ITGA4: variants seen among roughly 807,000 people sequenced by gnomAD.
ITGA4 encodes integrin subunit alpha 4, also known as integrin alpha-4.
ITGA4 carries 63 observed loss-of-function variants against 133.6 expected under a neutral mutation model. The ratio of observed to expected loss-of-function variants is 0.47; its 90% CI spans 0.38 to 0.58. The LOEUF (loss-of-function observed/expected upper bound fraction) is 0.58. ITGA4 is among the 20% of genes least tolerant of loss of function. ITGA4 has a pLI of 0.00. For synonymous variants in ITGA4, 483 were observed against 438.0 expected, an observed-to-expected ratio of 1.10 and a Z score of -1.28; for missense variants, 1,076 against 1,252.7, an observed-to-expected ratio of 0.86 and a Z score of 2.13.
chr2:181,475,803 G>GT (rs1448736935), intron 4 of ITGA4: 1 of 1,592,144 alleles, frequency 6.3e-7, no homozygotes, highest in African/African-American at 1.3e-5. Context: ...TTTTCTCATG[G>GT]TAACTCTATG....
intron 17 of ITGA4, among the ~76,000 whole-genome samples, chr2:181,519,578 C>T (rs2105763051): frequency 6.6e-6 from 1 of 152,162 alleles, no homozygotes; most frequent in Admixed American, 6.6e-5. Context: ...TTTGCATATT[C>T]CGAGGTTCAT....
chr2:181,538,141 T>G lies in ITGA4; in HGVS notation c.*2614T>G, dbSNP rs1325585820. 2 of 1,327,648 alleles carry G rather than the reference T, an allele frequency of 1.5e-6. No individual in the cohort carries two copies. The highest frequency in any genetic ancestry group is 2.4e-5 in the South Asian group (2 of 84,658). 82.2% of individuals were successfully genotyped at this position (1,327,648 alleles called of 1,614,324 possible). Reference sequence around the variant, plus strand: ...TAAAGCATGGCCACATTTCTTTATATTAAAATTCTAGTTTGTACATTTCTT... The same window carrying G: ...TAAAGCATGGCCACATTTCTTTATAGTAAAATTCTAGTTTGTACATTTCTT... On this transcript the variant is annotated 3_prime_UTR_variant, in exon 28 of 28. Coordinates refer to ENST00000397033, the MANE Select transcript of ITGA4 (RefSeq NM_000885.6).
At chr2:181,499,065 C>T (rs1686216099) in intron 15 of ITGA4, 1 of 175,888 alleles carries the variant, frequency 5.7e-6, no homozygotes, top group South Asian at 1.9e-4. Context: ...TCTTTATCTA[C>T]TTGCCTAGAA....
chr2:181,480,150 TG>T lies in ITGA4; in HGVS notation c.643del (p.Ala215ProfsTer16). The stretch of plus-strand genomic sequence containing the variant: ...TTTTTCTTACAGGATTTAATTGTGA[TG>T]GGGGCCCCAGGATCATCTTACTGGA... ...SSFYTKDLIVMGAPGSSYWTG... is the reference protein window; with the variant it reads ...SSFYTKDLIVXGAPGSSYWTG... On this transcript the variant is annotated frameshift_variant, in exon 6 of 28. Transcript: ENST00000397033. LOFTEE classifies it high-confidence loss of function. 2 of 1,549,016 alleles carry T rather than the reference TG, an allele frequency of 1.3e-6. No individual in the cohort carries two copies. Among genetic ancestry groups the T allele is most frequent in the Non-Finnish European group, 1.7e-6 (2 of 1,153,588 alleles).
intron 17 of ITGA4, among the ~76,000 whole-genome samples, chr2:181,518,953 A>T (rs1686665280): frequency 6.6e-6 from 1 of 152,078 alleles, no homozygotes; most frequent in African/African-American, 2.4e-5. Flanking sequence ...AAATTATAAG[A>T]ATCTCTCCTA....
At position 181,527,388 on chromosome 2, in the gene ITGA4, GTAA is replaced by G; in HGVS notation, c.2430+2_2430+4del. 1 of 1,580,246 alleles carries G rather than the reference GTAA, an allele frequency of 6.3e-7. No individual in the cohort carries two copies. Among genetic ancestry groups the G allele is most frequent in the Non-Finnish European group, 8.7e-7 (1 of 1,149,694 alleles). ...GGAGAAAATGAACTTAACTTTCCAT[GTAA>G]GAAAAGTTAATTGTGTTAATATTTG... On this transcript the variant is annotated splice_donor_variant and splice_donor_region_variant and intron_variant, in intron 22 of 27. Coordinates refer to ENST00000397033, the MANE Select transcript of ITGA4 (RefSeq NM_000885.6). LOFTEE classifies it high-confidence loss of function.
chr2:181,533,293 A>G (rs563972119), intron 25 of ITGA4, among the ~76,000 whole-genome samples: 1 of 152,336 alleles, frequency 6.6e-6, no homozygotes, highest in South Asian at 2.1e-4. Context: ...ATTGCCAAAC[A>G]GTGCTTAAGA....
At chr2:181,484,793 T>C (rs943211242) in intron 9 of ITGA4, among the ~76,000 whole-genome samples, 2 of 152,166 alleles carry the variant, frequency 1.3e-5, no homozygotes, top group Non-Finnish European at 2.9e-5. Flanking sequence ...AAGAAGTGAT[T>C]CCCTTTGGGT....
chr2:181,530,371 A>T (rs6707981), intron 23 of ITGA4, among the ~76,000 whole-genome samples, 153 bp from the exon 24 acceptor site: 1 of 152,208 alleles, frequency 6.6e-6, no homozygotes, highest in Middle Eastern at 3.4e-3. Context: ...ACATTTAATC[A>T]CTCCCAAATC....
At chr2:181,474,361 T>C (rs1685625806) in intron 2 of ITGA4, among the ~76,000 whole-genome samples, 1 of 152,226 alleles carries the variant, frequency 6.6e-6, no homozygotes, top group Non-Finnish European at 1.5e-5. Context: ...GGTTTCCAAA[T>C]CACTTTTATC....
rs553398970 is a variant in ITGA4, at chr2:181,523,923, A to C, written c.2170-248A>C. ...TGAAAGCATTTCTAATTTTGTCTAG[A>C]CTTGCCTGCGTTCACATTCAGAGAC... On this transcript the variant is annotated intron_variant, in intron 19 of 27. Coordinates refer to ENST00000397033, the MANE Select transcript of ITGA4 (RefSeq NM_000885.6). This position sits in a 1 kb window ranked among gnomAD's most constrained non-coding sequence, Gnocchi z 4.2. 2.6e-5 allele frequency among the ~76,000 whole-genome samples: 4 copies of C among 152,150 alleles called. No homozygotes were observed. The South Asian group carries it at 8.3e-4, about 32-fold the overall frequency.
intron 21 of ITGA4, 97 bp downstream of exon 21, chr2:181,525,388 A>T (rs1006532846): frequency 4.4e-5 from 28 of 634,104 alleles, no homozygotes; most frequent in African/African-American, 1.5e-4. Flanking sequence ...GAATTTTTTT[A>T]AAATAAAAAG....
Position 181,537,484 on chromosome 2 carries a change from T to C in ITGA4, c.*1957T>C, listed in dbSNP as rs1236658138. 2.2e-6 allele frequency: 1 copy of C among 452,870 alleles called. No homozygotes were observed. The highest frequency in any genetic ancestry group is 2.0e-5 in the African/African-American group (1 of 49,536). 28.1% of individuals were successfully genotyped at this position (452,870 alleles called of 1,614,324 possible). On this transcript the variant is annotated 3_prime_UTR_variant, in exon 28 of 28. Coordinates refer to ENST00000397033, the MANE Select transcript of ITGA4 (RefSeq NM_000885.6). Reference sequence around the variant, plus strand: ...ACCACTTTAAGAAGACAGGGATGGGTTATTCTTTTTTGGCAGGTAGGCTAT... The same window carrying C: ...ACCACTTTAAGAAGACAGGGATGGGCTATTCTTTTTTGGCAGGTAGGCTAT...
intron 11 of ITGA4, among the ~76,000 whole-genome samples, chr2:181,494,256 T>C (rs1258761032): frequency 6.6e-6 from 1 of 152,166 alleles, no homozygotes; most frequent in Non-Finnish European, 1.5e-5. Flanking sequence ...ACATCTTGTT[T>C]TACAAATTCT....
At chr2:181,517,003 G>A (rs1686619961) in intron 17 of ITGA4, among the ~76,000 whole-genome samples, 1 of 152,004 alleles carries the variant, frequency 6.6e-6, no homozygotes, top group Non-Finnish European at 1.5e-5. Flanking sequence ...TTTTTCTGCT[G>A]TTCTTCCCTT....
intron 24 of ITGA4, among the ~76,000 whole-genome samples, chr2:181,530,877 C>T (rs1303157576): frequency 6.6e-6 from 1 of 152,040 alleles, no homozygotes; most frequent in East Asian, 1.9e-4. Flanking sequence ...GCCTGTAATC[C>T]CAGCACTTTG....
At position 181,475,260 on chromosome 2, in the gene ITGA4, G is replaced by C; in HGVS notation, c.528G>C (p.Leu176=). Residue 176 remains leucine, a synonymous_variant, in exon 4 of 28, where the codon CTG becomes CTC. Coordinates refer to ENST00000397033, the MANE Select transcript of ITGA4 (RefSeq NM_000885.6). ...TGCCCCCTGATTTACGAACAGAACT[G>C]AGTAAAAGAATAGCTCCGTGTTATC... ...YGVPPDLRTE[L]SKRIAPCYQD... The C allele has an allele frequency of 3.7e-6, 6 of 1,613,086 alleles. No homozygotes were observed. The highest frequency in any genetic ancestry group is 5.1e-6 in the Non-Finnish European group (6 of 1,179,080).
rs533015676 is a variant in ITGA4 at position 181,488,566 on chromosome 2, A to AT, written c.1153+2584dup. On this transcript the variant is annotated intron_variant, in intron 10 of 27. Transcript: ENST00000397033. ...CTTGGTCCAGTTCTTTTTTTATTTT[A>AT]TTTTTTTTTTGAGATGGAGTCTCGC... Among the ~76,000 whole-genome samples, 1,202 of 147,698 alleles carry AT rather than the reference A, an allele frequency of 8.1e-3. 24 individuals are homozygous for AT. The highest frequency in any genetic ancestry group is 0.026 in the African/African-American group (1,039 of 40,288).
At chr2:181,467,049 TGAAG>T (rs1228382197) in intron 2 of ITGA4, among the ~76,000 whole-genome samples, 2 of 152,262 alleles carry the variant, frequency 1.3e-5, no homozygotes, top group African/African-American at 4.8e-5. Flanking sequence ...GTTATGTGAG[TGAAG>T]GGATTATATA....
Sources: allele counts gnomAD v4.1 joint callset (sites outside exome capture counted in the v4.1 genomes callset), GRCh38; gene constraint gnomAD v4.1.1; non-coding constraint Gnocchi (gnomAD v3.1); transcripts MANE v1.5; gene names NCBI Gene and HGNC (gene_info 2026-07-23, HGNC 2026-07-21).